TOM1L2: variants seen among roughly 807,000 people sequenced by gnomAD.
TOM1L2 encodes the protein TOM1-like protein 2.
TOM1L2 carries 31 observed loss-of-function variants against 67.9 expected under a neutral mutation model. The observed-to-expected ratio is 0.46, with a 90% confidence interval of 0.34 to 0.62. The LOEUF is 0.62. Among genes scored for constraint, TOM1L2 ranks in the 20% least tolerant of loss-of-function variants. The pLI is 0.01. For missense variants in TOM1L2, 606 were observed against 663.5 expected, an observed-to-expected ratio of 0.91 and a Z score of 0.95; for synonymous variants, 256 against 254.0, an observed-to-expected ratio of 1.01 and a Z score of -0.07.
At chr17:17,913,230 T>G in intron 1 of TOM1L2, among the ~76,000 whole-genome samples, 1 of 143,638 alleles carries the variant, frequency 7.0e-6, no homozygotes, top group Non-Finnish European at 1.5e-5. Flanking sequence ...AGGGAGACCG[T>G]GGGGAGACGG....
chr17:17,942,454 C>T (rs1026769418), intron 1 of TOM1L2, among the ~76,000 whole-genome samples: 2 of 152,150 alleles, frequency 1.3e-5, no homozygotes, highest in Non-Finnish European at 2.9e-5. Flanking sequence ...ATATACTTCG[C>T]AGGATTACTA....
rs544254104 is a variant in TOM1L2 at position 17,847,488 on chromosome 17, G to A, written c.*147C>T. ...GGCTGAAGCTGGTCCTGACTAGTGGGAGGCCTGGGAGCAGACACGGTGGCA... is the reference window on the plus strand; with the variant it reads ...GGCTGAAGCTGGTCCTGACTAGTGGAAGGCCTGGGAGCAGACACGGTGGCA... On this transcript the variant is annotated 3_prime_UTR_variant, in exon 15 of 15. Coordinates refer to ENST00000379504, the MANE Select transcript of TOM1L2 (RefSeq NM_001082968.2). 15 of 1,072,330 alleles carry A rather than the reference G, an allele frequency of 1.4e-5. No homozygotes were observed. The Admixed American group carries it at 2.8e-4, about 20-fold the overall frequency. 66.4% of individuals were successfully genotyped at this position (1,072,330 alleles called of 1,614,324 possible).
At chr17:17,925,762 G>A (rs2040056435) in intron 1 of TOM1L2, among the ~76,000 whole-genome samples, 1 of 151,370 alleles carries the variant, frequency 6.6e-6, no homozygotes, top group Non-Finnish European at 1.5e-5. Flanking sequence ...GGCTGAGGTA[G>A]GAAGATCGCT....
At chr17:17,874,865 G>A (rs938665893) in intron 7 of TOM1L2, among the ~76,000 whole-genome samples, 1 of 152,194 alleles carries the variant, frequency 6.6e-6, no homozygotes, top group Non-Finnish European at 1.5e-5. Flanking sequence ...CAGGCCCAGA[G>A]ACTATGACCT....
At chr17:17,848,761 C>A (rs2035792764) in intron 14 of TOM1L2, 62 bp downstream of exon 14, 2 of 1,589,418 alleles carry the variant, frequency 1.3e-6, no homozygotes, top group Non-Finnish European at 1.7e-6. Context: ...TGGGGGCTGG[C>A]TCCTGTGCAG....
At chr17:17,865,859 C>T (rs975589063) in intron 10 of TOM1L2, among the ~76,000 whole-genome samples, 5 of 151,302 alleles carry the variant, frequency 3.3e-5, no homozygotes, top group Non-Finnish European at 7.4e-5. Flanking sequence ...ATTCTCCTGC[C>T]GCAGCCTCCC....
At chr17:17,926,176 G>GAAAA (rs57599370) in intron 1 of TOM1L2, among the ~76,000 whole-genome samples, 1 of 103,158 alleles carries the variant, frequency 9.7e-6, no homozygotes, top group Non-Finnish European at 2.1e-5. Context: ...GTCTCTTGGA[G>GAAAA]AAAAAAAAAA....
intron 4 of TOM1L2, among the ~76,000 whole-genome samples, chr17:17,891,668 G>A (rs1044080366): frequency 2.6e-5 from 4 of 152,230 alleles, no homozygotes; most frequent in Non-Finnish European, 4.4e-5. Flanking sequence ...GTGAGAAGAA[G>A]CCACCATTTG....
Position 17,847,801 on chromosome 17 carries a change from G to T in TOM1L2, c.1376-18C>A. The T allele has an allele frequency of 6.2e-7, 1 of 1,613,800 alleles. No homozygotes were observed. On this transcript the variant is annotated intron_variant, in intron 14 of 14. Coordinates refer to ENST00000379504, the MANE Select transcript of TOM1L2 (RefSeq NM_001082968.2). ...ATCAAACTCTGCAATACAAACCAAG[G>T]CAAGGGTCAGGGTTGGTGAGGGCAG...
chr17:17,866,970 G>C, intron 8 of TOM1L2, 46 bp from the exon 9 acceptor site: 1 of 1,589,876 alleles, frequency 6.3e-7, no homozygotes, highest in Non-Finnish European at 8.6e-7. Context: ...GGATGCCTGT[G>C]ATATGGCCCT....
Position 17,938,094 on chromosome 17 carries a change from C to T in TOM1L2, c.53-30563G>A, listed in dbSNP as rs2040581672. ...AGCAGAGACCTCCCTCTGTGTTACT[C>T]CCTCTCACCCAGCGTGGTGCAATGG... On this transcript the variant is annotated intron_variant, in intron 1 of 14. Transcript: ENST00000379504. 2.0e-5 allele frequency among the ~76,000 whole-genome samples: 3 copies of T among 152,156 alleles called. 1 individual carries two copies. The South Asian group carries it at 6.2e-4, about 32-fold the overall frequency.
intron 2 of TOM1L2, among the ~76,000 whole-genome samples, chr17:17,901,427 G>A (rs567892455): frequency 2.0e-5 from 3 of 152,270 alleles, no homozygotes; most frequent in South Asian, 2.1e-4. Context: ...TCACAGCCTC[G>A]TGATTTGGCC....
chr17:17,948,220 T>C (rs1215599985), intron 1 of TOM1L2, among the ~76,000 whole-genome samples: 1 of 152,234 alleles, frequency 6.6e-6, no homozygotes, highest in East Asian at 1.9e-4. Flanking sequence ...TGAGACTTGC[T>C]GTACTGGATA....
chr17:17,867,525 G>A (rs1460812036), intron 8 of TOM1L2, among the ~76,000 whole-genome samples: 1 of 152,222 alleles, frequency 6.6e-6, no homozygotes, highest in Non-Finnish European at 1.5e-5. Flanking sequence ...AGTTGGCTTT[G>A]AGCAACTGTC....
At chr17:17,920,303 T>G (rs1007168186) in intron 1 of TOM1L2, among the ~76,000 whole-genome samples, 3 of 151,988 alleles carry the variant, frequency 2.0e-5, no homozygotes, top group African/African-American at 7.3e-5. Flanking sequence ...AGTTCTCATT[T>G]GCTCTTCTCA....
At chr17:17,932,645 T>C (rs2040379895) in intron 1 of TOM1L2, among the ~76,000 whole-genome samples, 1 of 152,168 alleles carries the variant, frequency 6.6e-6, no homozygotes, top group Non-Finnish European at 1.5e-5. Context: ...GGGAATGTAC[T>C]TTGGAACCAG....
intron 1 of TOM1L2, among the ~76,000 whole-genome samples, chr17:17,912,385 C>G (rs2039415489): frequency 6.6e-6 from 1 of 151,962 alleles, no homozygotes; most frequent in Non-Finnish European, 1.5e-5. Context: ...CCTCACTTCT[C>G]AGACGGGGCG....
At chr17:17,916,530 C>A (rs1051357468) in intron 1 of TOM1L2, among the ~76,000 whole-genome samples, 1 of 152,174 alleles carries the variant, frequency 6.6e-6, no homozygotes, top group African/African-American at 2.4e-5. Context: ...AAAGACTGTC[C>A]TTTCCCCTCT....
chr17:17,891,637 C>T (rs1179827504), intron 4 of TOM1L2, among the ~76,000 whole-genome samples: 1 of 152,210 alleles, frequency 6.6e-6, no homozygotes, highest in Non-Finnish European at 1.5e-5. Flanking sequence ...GGTCAGAAAG[C>T]TCTACCACAG....
Sources: allele counts gnomAD v4.1 joint callset (sites outside exome capture counted in the v4.1 genomes callset), GRCh38; gene constraint gnomAD v4.1.1; transcripts MANE v1.5; gene names NCBI Gene and HGNC (gene_info 2026-07-23, HGNC 2026-07-21).